DSC3: variants seen among roughly 807,000 people sequenced by gnomAD.
DSC3 encodes desmocollin 3.
A neutral mutation model predicts 89.5 loss-of-function variants in DSC3; 97 were observed. The ratio of observed to expected loss-of-function variants is 1.08; its 90% CI spans 0.92 to 1.28. The LOEUF is 1.28. Among genes scored for constraint, DSC3 ranks in the 50% most tolerant of loss-of-function variants. The pLI is 0.00. For synonymous variants in DSC3, 436 were observed against 384.1 expected (o/e 1.14, Z -1.58); for missense variants, 1,199 against 1,085.3 (o/e 1.10, Z -1.47).
At chr18:31,029,837 G>A (rs956425139) in intron 3 of DSC3, among the ~76,000 whole-genome samples, 1 of 152,156 alleles carries the variant, frequency 6.6e-6, no homozygotes, top group African/African-American at 2.4e-5. Flanking sequence ...AAGAAACAGA[G>A]AATTTCTTTT....
intron 9 of DSC3, among the ~76,000 whole-genome samples, chr18:31,012,578 G>A (rs944100136): frequency 6.6e-6 from 1 of 152,124 alleles, no homozygotes; most frequent in East Asian, 1.9e-4. Flanking sequence ...ATTTCTCTTT[G>A]ATTCAGTCTA....
At chr18:31,011,331 A>G (rs1465741369) in intron 9 of DSC3, among the ~76,000 whole-genome samples, 1 of 152,228 alleles carries the variant, frequency 6.6e-6, no homozygotes, top group African/African-American at 2.4e-5. Flanking sequence ...GTTTTTGTTA[A>G]CAGCCAATAT....
chr18:31,041,153 C>T (rs1390908864), intron 1 of DSC3, among the ~76,000 whole-genome samples: 1 of 152,198 alleles, frequency 6.6e-6, no homozygotes, highest in African/African-American at 2.4e-5. Context: ...CTCTGGGAGC[C>T]TCGAGCGAAT....
intron 6 of DSC3, among the ~76,000 whole-genome samples, chr18:31,022,713 T>C (rs920535424): frequency 6.6e-6 from 1 of 152,224 alleles, no homozygotes; most frequent in Non-Finnish European, 1.5e-5. Flanking sequence ...AATTAAGGTA[T>C]ACTTTTGCTC....
chr18:31,012,669 T>G (rs8092351), intron 9 of DSC3, among the ~76,000 whole-genome samples: 2,368 of 152,290 alleles, frequency 0.016, 76 homozygotes, highest in African/African-American at 0.053. Context: ...TAATTCAATG[T>G]TTTTTGGGAA....
At chr18:31,036,522 T>C (rs1205869676) in intron 1 of DSC3, among the ~76,000 whole-genome samples, 2 of 152,092 alleles carry the variant, frequency 1.3e-5, no homozygotes, top group Admixed American at 6.5e-5. Context: ...ATTTTCTGTA[T>C]ACCAGATACT....
At chr18:31,027,234 A>G (rs1424679908) in intron 4 of DSC3, among the ~76,000 whole-genome samples, 1 of 152,078 alleles carries the variant, frequency 6.6e-6, no homozygotes, top group Non-Finnish European at 1.5e-5. Context: ...AAACCTCCAA[A>G]TTTTGCAGAA....
At chr18:31,014,872 CTTGACTTTGAGGAAGTTATTT>C (rs966690391) in intron 9 of DSC3, among the ~76,000 whole-genome samples, 22 of 151,924 alleles carry the variant, frequency 1.4e-4, no homozygotes, top group Admixed American at 7.2e-4. Context: ...CTAATATATG[CTTGACTTTGAGGAAGTTATTT>C]ACCTTCATCA....
chr18:30,994,191 G>C lies in DSC3; in HGVS notation c.2675C>G (p.Ala892Gly), dbSNP rs768718066. 13 of 1,613,944 alleles carry C rather than the reference G, an allele frequency of 8.1e-6. No homozygotes were observed. Among genetic ancestry groups the C allele is most frequent in the Non-Finnish European group, 1.1e-5 (13 of 1,179,902 alleles). The change falls in exon 16 of 16, where the codon GCA becomes GGA. Residue 892 changes from alanine (A) to glycine (G), a missense_variant. Coordinates refer to ENST00000360428, the MANE Select transcript of DSC3 (RefSeq NM_001941.5). The part of the protein sequence containing the change: ...LEPKFITLAE[A>G]CTKR ...ACTGTGACATTATCTCTTTGTGCAT[G>C]CTTCTGCTAATGTAATAAATTTGGG...
At chr18:30,999,918 G>GC (rs1463885459) in intron 14 of DSC3, among the ~76,000 whole-genome samples, 4 of 152,026 alleles carry the variant, frequency 2.6e-5, no homozygotes, top group Non-Finnish European at 5.9e-5. Context: ...TTGTGAAATG[G>GC]CCACTCAATA....
At position 31,042,729 on chromosome 18, in the gene DSC3, G is replaced by A; in HGVS notation, c.-69C>T. ...TGCCGAGAGCGAGACCTGCCGAGGTGCAGGGCGCGGGAGGTGCTTTTCTCG... is the reference window on the plus strand; with the variant it reads ...TGCCGAGAGCGAGACCTGCCGAGGTACAGGGCGCGGGAGGTGCTTTTCTCG... On this transcript the variant is annotated 5_prime_UTR_variant, in exon 1 of 16. Coordinates refer to ENST00000360428, the MANE Select transcript of DSC3 (RefSeq NM_001941.5). 1 of 1,425,684 alleles carries A rather than the reference G, an allele frequency of 7.0e-7. No homozygotes were observed. The highest frequency in any genetic ancestry group is 1.3e-5 in the South Asian group (1 of 78,114). The allele number at this position is 1,425,684 out of a possible 1,614,324, so 88.3% of individuals were successfully genotyped here.
intron 9 of DSC3, 88 bp from the exon 10 acceptor site, chr18:31,008,613 G>A: frequency 6.6e-7 from 1 of 1,515,340 alleles, no homozygotes; most frequent in East Asian, 2.3e-5. Context: ...ATCCTGACCA[G>A]TGCTGCATAA....
At chr18:31,033,311 A>C (rs986481585) in intron 1 of DSC3, among the ~76,000 whole-genome samples, 3 of 152,204 alleles carry the variant, frequency 2.0e-5, no homozygotes, top group Non-Finnish European at 4.4e-5. Flanking sequence ...AGTTACCCAA[A>C]TAAAATTGAA....
chr18:31,012,026 C>G (rs1567954317), intron 9 of DSC3, among the ~76,000 whole-genome samples: 2 of 131,996 alleles, frequency 1.5e-5, no homozygotes, highest in African/African-American at 5.6e-5. Flanking sequence ...AATCACAACT[C>G]TTTCCCAAGG....
intron 1 of DSC3, among the ~76,000 whole-genome samples, chr18:31,037,544 C>A (rs1220389155): frequency 2.6e-5 from 4 of 152,042 alleles, no homozygotes; most frequent in Admixed American, 1.3e-4. Context: ...GAGTCTTTTT[C>A]TTTTTTCCTT....
chr18:31,032,976 T>G (rs1985851142), intron 1 of DSC3, among the ~76,000 whole-genome samples: 1 of 152,116 alleles, frequency 6.6e-6, no homozygotes, highest in Admixed American at 6.5e-5. Flanking sequence ...ATGAGTTCAG[T>G]AAGGCTACAG....
chr18:31,008,371 G>A lies in DSC3; in HGVS notation c.1418C>T (p.Pro473Leu). ...RDLDEGPECT[P>L]AAQYVRIKEN... ...TTTAATCCGCACATATTGGGCTGCA[G>A]GAGTGCATTCAGGCCCCTCATCCAG... The change falls in exon 10 of 16, where the codon CCT becomes CTT. Residue 473 changes from proline to leucine, a missense_variant. By Grantham distance (98) the Pro-to-Leu change is moderately conservative. Coordinates refer to ENST00000360428, the MANE Select transcript of DSC3 (RefSeq NM_001941.5). 1 of 1,614,118 alleles carries A rather than the reference G, an allele frequency of 6.2e-7. No individual in the cohort carries two copies. The highest frequency in any genetic ancestry group is 8.5e-7 in the Non-Finnish European group (1 of 1,180,018).
chr18:31,018,520 T>A (rs1425722519), intron 8 of DSC3, 146 bp downstream of exon 8: 3 of 943,524 alleles, frequency 3.2e-6, no homozygotes, highest in Non-Finnish European at 3.2e-6. Context: ...TAAATTTACA[T>A]ATCACTTGTT....
At chr18:31,001,868 A>C (rs1984675924) in intron 13 of DSC3, 129 bp from the exon 14 acceptor site, 1 of 732,030 alleles carries the variant, frequency 1.4e-6, no homozygotes, top group Admixed American at 3.2e-5. Context: ...CCCATGAATT[A>C]TCTTGGCTGT....
Sources: allele counts gnomAD v4.1 joint callset (sites outside exome capture counted in the v4.1 genomes callset), GRCh38; gene constraint gnomAD v4.1.1; transcripts MANE v1.5; gene names NCBI Gene and HGNC (gene_info 2026-07-23, HGNC 2026-07-21).